PHKB: variants seen among roughly 807,000 people sequenced by gnomAD.
PHKB encodes phosphorylase kinase regulatory subunit beta, also known as phosphorylase b kinase regulatory subunit beta.
A neutral mutation model predicts 152.1 loss-of-function variants in PHKB; 122 were observed. That is an observed-to-expected ratio of 0.80 (90% confidence interval 0.69 to 0.93). The LOEUF (loss-of-function observed/expected upper bound fraction) is 0.93, where lower values mean the gene tolerates loss of function less well. Among genes scored for constraint, PHKB ranks in the 40% least tolerant of loss-of-function variants. The pLI, the probability that PHKB is intolerant of heterozygous loss-of-function variation, is 0.00. For missense variants in PHKB, 1,304 were observed against 1,328.4 expected (o/e 0.98, Z 0.29); for synonymous variants, 436 against 464.9 (o/e 0.94, Z 0.80).
At chr16:47,497,270 T>A (rs921255549) in intron 1 of PHKB, 129 bp from the exon 2 acceptor site, 3 of 670,812 alleles carry the variant, frequency 4.5e-6, no homozygotes, top group Non-Finnish European at 8.0e-6. Context: ...TTACAAGTAG[T>A]AAAGTATGGT....
chr16:47,557,166 A>G (rs1327467202), intron 7 of PHKB, among the ~76,000 whole-genome samples: 2 of 152,202 alleles, frequency 1.3e-5, no homozygotes, highest in African/African-American at 2.4e-5. Flanking sequence ...GTGCTGGGAA[A>G]ACTGGCTAGC....
intron 1 of PHKB, among the ~76,000 whole-genome samples, chr16:47,466,824 A>T (rs1158573576): frequency 6.6e-6 from 1 of 152,138 alleles, no homozygotes; most frequent in Non-Finnish European, 1.5e-5. Context: ...AACTAATCAA[A>T]AAGATTCTTG....
chr16:47,522,948 C>T (rs1970709614), intron 6 of PHKB, among the ~76,000 whole-genome samples: 1 of 147,892 alleles, frequency 6.8e-6, no homozygotes, highest in African/African-American at 2.5e-5. Flanking sequence ...CACATTATTG[C>T]CTTTTCAAGT....
At chr16:47,527,170 A>G (rs974501917) in intron 6 of PHKB, among the ~76,000 whole-genome samples, 1 of 152,236 alleles carries the variant, frequency 6.6e-6, no homozygotes, top group Non-Finnish European at 1.5e-5. Flanking sequence ...ACAATTCAAC[A>G]TGAGATTAGA....
chr16:47,520,671 G>C (rs1970670609), intron 6 of PHKB, among the ~76,000 whole-genome samples: 1 of 152,174 alleles, frequency 6.6e-6, no homozygotes, highest in Non-Finnish European at 1.5e-5. Flanking sequence ...ATGCATCCTT[G>C]CATGGATTAT....
chr16:47,515,669 T>C, intron 6 of PHKB, 68 bp downstream of exon 6: 1 of 758,908 alleles, frequency 1.3e-6, no homozygotes, highest in East Asian at 2.5e-5. Flanking sequence ...TTTTTTAGTT[T>C]TCACAACTTA....
chr16:47,514,597 C>T (rs894266848), intron 5 of PHKB, among the ~76,000 whole-genome samples: 2 of 152,238 alleles, frequency 1.3e-5, no homozygotes, highest in Admixed American at 6.5e-5. Context: ...GTCTTCCCCA[C>T]TCAGACAGCC....
Position 47,589,121 on chromosome 16 carries a change from T to G in PHKB, c.1068+19T>G, listed in dbSNP as rs780816899. 6.4e-7 allele frequency: 1 copy of G among 1,568,914 alleles called. No homozygotes were observed. Among genetic ancestry groups the G allele is most frequent in the South Asian group, 1.1e-5 (1 of 89,904 alleles). ...AATTAAGGTATTAAAAAATATTCCATGGTAATCGCATATCAGAGCAATCAA... is the reference window on the plus strand; with the variant it reads ...AATTAAGGTATTAAAAAATATTCCAGGGTAATCGCATATCAGAGCAATCAA... On this transcript the variant is annotated intron_variant, in intron 10 of 30. Coordinates refer to ENST00000323584, the MANE Select transcript of PHKB (RefSeq NM_000293.3).
chr16:47,539,413 A>T (rs1290436010), intron 6 of PHKB, among the ~76,000 whole-genome samples: 1 of 152,032 alleles, frequency 6.6e-6, no homozygotes, highest in Non-Finnish European at 1.5e-5. Context: ...TTTCATAGGG[A>T]CATTTCAGAT....
intron 14 of PHKB, among the ~76,000 whole-genome samples, chr16:47,636,257 G>A (rs554530179): frequency 3.3e-5 from 5 of 152,346 alleles, no homozygotes; most frequent in African/African-American, 1.2e-4. Context: ...ATATAAACAT[G>A]GAAGCATCTG....
rs752246332 is a variant in PHKB at position 47,647,113 on chromosome 16, G to GTATT, written c.1609-1398_1609-1395dup. The stretch of plus-strand genomic sequence containing the variant: ...CCTCAGTTTTTATTTATTTATTTAT[G>GTATT]TATTTATTTATTTATTTATTTATTT... On this transcript the variant is annotated intron_variant, in intron 16 of 30. Transcript: ENST00000323584. 3.4e-3 allele frequency among the ~76,000 whole-genome samples: 511 copies of GTATT among 151,658 alleles called. 1 individual carries two copies. The highest frequency in any genetic ancestry group is 5.6e-3 in the Non-Finnish European group (377 of 67,860).
intron 7 of PHKB, chr16:47,566,269 C>T (rs1383021219): frequency 8.9e-6 from 8 of 896,280 alleles, no homozygotes; most frequent in African/African-American, 1.6e-5. Flanking sequence ...GGTGAGTAGT[C>T]ATCAAAGCTG....
intron 7 of PHKB, among the ~76,000 whole-genome samples, chr16:47,559,863 C>T (rs1971446452): frequency 6.6e-6 from 1 of 152,182 alleles, no homozygotes; most frequent in Non-Finnish European, 1.5e-5. Context: ...GTGCTTTAAA[C>T]CACCACGGGT....
intron 7 of PHKB, among the ~76,000 whole-genome samples, chr16:47,556,770 G>T (rs1432694641): frequency 6.6e-6 from 1 of 152,152 alleles, no homozygotes; most frequent in Non-Finnish European, 1.5e-5. Context: ...GTATCAGGAT[G>T]ATGCTGGCCT....
At chr16:47,495,661 T>C (rs1970219491) in intron 1 of PHKB, among the ~76,000 whole-genome samples, 1 of 152,200 alleles carries the variant, frequency 6.6e-6, no homozygotes, top group Non-Finnish European at 1.5e-5. Context: ...CTTATTACCT[T>C]ATGCTCTAGC....
intron 16 of PHKB, among the ~76,000 whole-genome samples, chr16:47,645,823 C>T (rs990268197): frequency 4.7e-5 from 6 of 127,004 alleles, no homozygotes; most frequent in African/African-American, 1.8e-4. Context: ...ATCAAAACCA[C>T]TATGAGATAT....
chr16:47,483,938 C>T (rs1218168969), intron 1 of PHKB, among the ~76,000 whole-genome samples: 1 of 152,134 alleles, frequency 6.6e-6, no homozygotes, highest in Non-Finnish European at 1.5e-5. Flanking sequence ...AAACAATTGC[C>T]ATTTATAACA....
intron 14 of PHKB, among the ~76,000 whole-genome samples, chr16:47,621,836 C>G (rs561866317): frequency 9.9e-5 from 15 of 152,056 alleles, no homozygotes; most frequent in Non-Finnish European, 2.2e-4. Context: ...TGAAGAGTCT[C>G]TTATCAATTG....
At chr16:47,473,041 TG>T (rs1400681862) in intron 1 of PHKB, among the ~76,000 whole-genome samples, 1 of 150,982 alleles carries the variant, frequency 6.6e-6, no homozygotes, top group African/African-American at 2.4e-5. Flanking sequence ...CTAGGATCTG[TG>T]TTTTTTTTTT....
Sources: gnomAD v4.1 joint callset for allele counts (sites outside exome capture counted in the v4.1 genomes callset) on GRCh38, gnomAD v4.1.1 for gene constraint, MANE v1.5 for transcripts, NCBI Gene and HGNC (gene_info 2026-07-23, HGNC 2026-07-21) for gene names.